The following CACNA2D1 variants were observed in gnomAD, a reference collection of about 807,000 sequenced individuals.
CACNA2D1 encodes the protein calcium voltage-gated channel auxiliary subunit alpha2delta 1.
CACNA2D1 carries 53 observed loss-of-function variants against 171.5 expected under a neutral mutation model. The ratio of observed to expected loss-of-function variants is 0.31; its 90% CI spans 0.25 to 0.39. The LOEUF (loss-of-function observed/expected upper bound fraction) is 0.39, where lower values mean the gene tolerates loss of function less well. CACNA2D1 is among the 10% of genes least tolerant of loss of function. CACNA2D1 has a pLI of 1.00. For missense variants in CACNA2D1, 903 were observed against 1,299.8 expected, an observed-to-expected ratio of 0.69 and a Z score of 4.69; for synonymous variants, 442 against 443.1, an observed-to-expected ratio of 1.00 and a Z score of 0.03.
intron 27 of CACNA2D1, among the ~76,000 whole-genome samples, chr7:81,970,246 A>G (rs570322784): frequency 4.0e-5 from 6 of 151,594 alleles, no homozygotes; most frequent in Non-Finnish European, 8.9e-5. Flanking sequence ...TAATAGGTCA[A>G]TTAATGTTAG....
chr7:82,026,748 C>G (rs1232355267), intron 12 of CACNA2D1, among the ~76,000 whole-genome samples: 1 of 151,606 alleles, frequency 6.6e-6, no homozygotes, highest in African/African-American at 2.4e-5. Flanking sequence ...ACATTTGAAG[C>G]CATATTTGAA....
intron 3 of CACNA2D1, among the ~76,000 whole-genome samples, chr7:82,240,479 C>T (rs1478206680): frequency 6.6e-6 from 1 of 152,106 alleles, no homozygotes. Context: ...TTCATAAGGA[C>T]ATGAATCATA....
At chr7:81,972,625 G>A (rs1275452430) in intron 25 of CACNA2D1, among the ~76,000 whole-genome samples, 2 of 151,842 alleles carry the variant, frequency 1.3e-5, no homozygotes, top group East Asian at 1.9e-4. Context: ...CAGGTGATGA[G>A]GATCAAAGGC....
chr7:82,402,866 G>C (rs1311610571), intron 1 of CACNA2D1, among the ~76,000 whole-genome samples: 3 of 151,982 alleles, frequency 2.0e-5, no homozygotes, highest in Non-Finnish European at 4.4e-5. Flanking sequence ...CTGTAGTGTG[G>C]AGAACAGATC....
At chr7:82,068,186 C>T (rs1247580784) in intron 7 of CACNA2D1, among the ~76,000 whole-genome samples, 1 of 152,150 alleles carries the variant, frequency 6.6e-6, no homozygotes, top group Non-Finnish European at 1.5e-5. Flanking sequence ...AGATTGCCCA[C>T]TTCCAGCAAC....
chr7:82,394,994 A>C (rs556334303), intron 1 of CACNA2D1, among the ~76,000 whole-genome samples: 1 of 152,246 alleles, frequency 6.6e-6, no homozygotes, highest in African/African-American at 2.4e-5. Context: ...TGACAATTTC[A>C]ATAGTAAAAA....
intron 36 of CACNA2D1, among the ~76,000 whole-genome samples, chr7:81,960,436 T>C (rs1025026674): frequency 2.0e-5 from 3 of 152,056 alleles, no homozygotes; most frequent in Non-Finnish European, 4.4e-5. Flanking sequence ...CACCTATAGG[T>C]GGTAACTACT....
At chr7:82,008,231 C>T (rs1244977897) in intron 15 of CACNA2D1, among the ~76,000 whole-genome samples, 2 of 151,996 alleles carry the variant, frequency 1.3e-5, no homozygotes, top group South Asian at 2.1e-4. Flanking sequence ...GAAAAATGTG[C>T]AGTTGAATAA....
At chr7:82,236,094 C>A (rs1051543278) in intron 3 of CACNA2D1, among the ~76,000 whole-genome samples, 1 of 151,724 alleles carries the variant, frequency 6.6e-6, no homozygotes, top group Non-Finnish European at 1.5e-5. Context: ...TGGCAAAATT[C>A]TCAGTTACAC....
chr7:82,371,195 T>C (rs756169525), intron 1 of CACNA2D1, among the ~76,000 whole-genome samples: 3 of 152,200 alleles, frequency 2.0e-5, no homozygotes, highest in Non-Finnish European at 2.9e-5. Context: ...TAAAGGCTAA[T>C]TCACACCTAG....
chr7:82,435,248 G>T (rs559270272), intron 1 of CACNA2D1, among the ~76,000 whole-genome samples: 8 of 151,986 alleles, frequency 5.3e-5, no homozygotes, highest in African/African-American at 1.7e-4. Context: ...TGTTAGCCAG[G>T]ATTGTCTCGA....
intron 6 of CACNA2D1, among the ~76,000 whole-genome samples, chr7:82,102,499 C>A (rs772039215): frequency 2.6e-5 from 4 of 151,420 alleles, no homozygotes; most frequent in African/African-American, 7.3e-5. Flanking sequence ...CACACACACA[C>A]GCACACACAC....
rs964360080 is a variant in CACNA2D1 at position 82,440,650 on chromosome 7, G to A, written c.95+2715C>T. ...CCTTGTCTGAAAAACATCTATTTTA[G>A]TGTTAACTCTTAGAACAGGTTAACT... On this transcript the variant is annotated intron_variant, in intron 1 of 38. Transcript: ENST00000356860. Among the ~76,000 whole-genome samples, 24 of 151,714 alleles carry A rather than the reference G, an allele frequency of 1.6e-4. No individual in the cohort carries two copies. In the East Asian group the frequency reaches 4.5e-3, roughly 28 times the overall value.
chr7:82,389,712 A>C (rs1029136903), intron 1 of CACNA2D1, among the ~76,000 whole-genome samples: 4 of 152,188 alleles, frequency 2.6e-5, no homozygotes, highest in Non-Finnish European at 4.4e-5. Flanking sequence ...CCCCATCTTT[A>C]AAACACAGTT....
chr7:82,348,156 T>A (rs1819452658), intron 2 of CACNA2D1, among the ~76,000 whole-genome samples: 1 of 152,192 alleles, frequency 6.6e-6, no homozygotes, highest in African/African-American at 2.4e-5. Context: ...TTTCTCATTA[T>A]GATTAAATAA....
At chr7:82,001,605 C>A in intron 18 of CACNA2D1, 1 of 605,964 alleles carries the variant, frequency 1.7e-6, no homozygotes, top group Non-Finnish European at 2.7e-6. Flanking sequence ...TTAATCCCAA[C>A]TTGGATTTAG....
intron 1 of CACNA2D1, among the ~76,000 whole-genome samples, chr7:82,409,831 G>A (rs914012877): frequency 6.6e-6 from 1 of 152,138 alleles, no homozygotes. Context: ...TTTTGTCATT[G>A]TGCAAATATC....
intron 5 of CACNA2D1, among the ~76,000 whole-genome samples, chr7:82,130,009 G>A (rs2129068207): frequency 1.3e-5 from 2 of 152,272 alleles, no homozygotes; most frequent in South Asian, 4.2e-4. Context: ...AGTAGGGAAA[G>A]GATCTCTCTA....
At chr7:82,070,856 C>G (rs1034237585) in intron 7 of CACNA2D1, among the ~76,000 whole-genome samples, 5 of 151,996 alleles carry the variant, frequency 3.3e-5, no homozygotes, top group Middle Eastern at 3.2e-3. Flanking sequence ...TATCCAGTAC[C>G]TATTTGAACA....
Sources: gnomAD v4.1 joint callset for allele counts (sites outside exome capture counted in the v4.1 genomes callset) on GRCh38, gnomAD v4.1.1 for gene constraint, MANE v1.5 for transcripts, NCBI Gene and HGNC (gene_info 2026-07-23, HGNC 2026-07-21) for gene names.